The following DTHD1 variants were observed in gnomAD, a reference collection of about 807,000 sequenced individuals.
DTHD1 encodes the protein death domain-containing protein 1.
In DTHD1, 59 loss-of-function variants were observed where a neutral mutation model predicts 74.8. The ratio of observed to expected loss-of-function variants is 0.79; its 90% CI spans 0.64 to 0.98. The LOEUF (loss-of-function observed/expected upper bound fraction) is 0.98, where lower values mean the gene tolerates loss of function less well. Among genes scored for constraint, DTHD1 ranks in the 50% least tolerant of loss-of-function variants. The pLI is 0.00. For synonymous variants in DTHD1, 365 were observed against 371.1 expected (o/e 0.98, Z 0.19); for missense variants, 1,051 against 1,065.4 (o/e 0.99, Z 0.19).
rs1000726911 is a variant in DTHD1 at position 36,284,215 on chromosome 4, T to C, written c.511T>C (p.Tyr171His). The C allele has an allele frequency of 2.5e-5, 39 of 1,537,168 alleles. No individual in the cohort carries two copies. Among genetic ancestry groups the C allele is most frequent in the Non-Finnish European group, 3.3e-5 (38 of 1,146,868 alleles). Residue 171 changes from tyrosine (Y) to histidine (H), a missense_variant, in exon 2 of 10, where the codon TAC becomes CAC. By Grantham distance (83) the Tyr-to-His change is moderately conservative (BLOSUM62 2). Coordinates refer to ENST00000639862, the MANE Select transcript of DTHD1 (RefSeq NM_001170700.3). The part of the protein sequence containing the change: ...VSPTNGEESH[Y>H]TNQVQLEKNK... ...TCCCACAAATGGAGAGGAAAGTCAT[T>C]ACACAAACCAGGTCCAGTTAGAAAA...
At position 36,294,819 on chromosome 4, in the gene DTHD1, G is replaced by A. The variant is rs1756292150; in HGVS notation, c.1423G>A (p.Val475Met). 6.5e-7 allele frequency: 1 copy of A among 1,548,360 alleles called. No homozygotes were observed. Among genetic ancestry groups the A allele is most frequent in the South Asian group, 1.2e-5 (1 of 83,502 alleles). ...GATCCAACCAGTTGACCCAGCTCTG[G>A]TGGCACATTTAAAAGCACAGCAAGA... Reference protein sequence around the residue: ...LKIQPVDPALVAHLKAQQDTF... With the variant: ...LKIQPVDPALMAHLKAQQDTF... Residue 475 changes from valine (V) to methionine (M), a missense_variant, in exon 5 of 10, where the codon GTG becomes ATG. Transcript: ENST00000639862.
At chr4:36,286,600 G>A (rs766166678) in intron 2 of DTHD1, among the ~76,000 whole-genome samples, 2 of 152,178 alleles carry the variant, frequency 1.3e-5, no homozygotes, top group Non-Finnish European at 2.9e-5. Flanking sequence ...TACAGTCATC[G>A]GTTACTTAAT....
At chr4:36,338,946 G>C (rs1285242194) in intron 8 of DTHD1, among the ~76,000 whole-genome samples, 166 bp from the exon 9 acceptor site, 1 of 152,102 alleles carries the variant, frequency 6.6e-6, no homozygotes, top group African/African-American at 2.4e-5. Flanking sequence ...TTTATCTTAG[G>C]AAAACAATTG....
At chr4:36,299,568 T>C (rs181909944) in intron 5 of DTHD1, among the ~76,000 whole-genome samples, 1 of 152,338 alleles carries the variant, frequency 6.6e-6, no homozygotes, top group Admixed American at 6.5e-5. Flanking sequence ...TTTTCACATT[T>C]CTGAAAAGTT....
At chr4:36,288,907 T>A (rs978934973) in intron 2 of DTHD1, among the ~76,000 whole-genome samples, 2 of 152,158 alleles carry the variant, frequency 1.3e-5, no homozygotes, top group Non-Finnish European at 2.9e-5. Context: ...AAACAATGTT[T>A]CTCATTTTCT....
intron 8 of DTHD1, among the ~76,000 whole-genome samples, chr4:36,329,854 T>C (rs543575610): frequency 6.6e-6 from 1 of 152,318 alleles, no homozygotes; most frequent in Admixed American, 6.5e-5. Flanking sequence ...GGTTCAGAGA[T>C]CTTGGCTGGC....
rs959237057 is a variant in DTHD1 at position 36,282,007 on chromosome 4, G to T, written c.249G>T (p.Glu83Asp). The change falls in exon 1 of 10, where the codon GAG (glutamate) becomes GAT (aspartate). Residue 83 changes from glutamate to aspartate, a missense_variant. Transcript: ENST00000639862. ...AGCTGCATGTGCTGCTTGACAAAGAGAATCAATGTGTCTCGAGAAAAGGCA... is the reference window on the plus strand; with the variant it reads ...AGCTGCATGTGCTGCTTGACAAAGATAATCAATGTGTCTCGAGAAAAGGCA... The part of the protein sequence containing the change: ...CQQLHVLLDK[E>D]NQCVSRKEII... The T allele has an allele frequency of 6.6e-6, 10 of 1,524,138 alleles. No homozygotes were observed. The highest frequency in any genetic ancestry group is 8.8e-6 in the Non-Finnish European group (10 of 1,132,440). 94.4% of individuals were successfully genotyped at this position (1,524,138 alleles called of 1,614,324 possible). A position where few individuals can be genotyped will look rare whatever the true frequency, so the allele number is the denominator to read the frequency against.
intron 3 of DTHD1, among the ~76,000 whole-genome samples, chr4:36,292,359 T>C (rs1047026190): frequency 2.0e-5 from 3 of 152,170 alleles, no homozygotes; most frequent in African/African-American, 7.2e-5. Context: ...GAGGGAATCA[T>C]TGTCTATCAT....
chr4:36,339,135 A>G lies in DTHD1; in HGVS notation c.2364A>G (p.Pro788=), dbSNP rs2109577099. ...LPKHKKLINR[P]QSTKRVSKDP... is the part of the protein sequence containing the mutation. ...AGCATAAGAAATTAATCAACCGTCCACAGAGTACCAAAAGAGTTTCTAAGG... is the reference window on the plus strand; with the variant it reads ...AGCATAAGAAATTAATCAACCGTCCGCAGAGTACCAAAAGAGTTTCTAAGG... The change falls in exon 9 of 10, where the codon CCA becomes CCG. Residue 788 remains proline (P), a synonymous_variant. Transcript: ENST00000639862. 1 of 1,548,290 alleles carries G rather than the reference A, an allele frequency of 6.5e-7. No individual in the cohort carries two copies.
Position 36,284,203 on chromosome 4 carries a change from G to A in DTHD1, c.499G>A (p.Glu167Lys). 1 of 1,537,170 alleles carries A rather than the reference G, an allele frequency of 6.5e-7. No individual in the cohort carries two copies. The highest frequency in any genetic ancestry group is 2.4e-5 in the East Asian group (1 of 40,910). ...ETATVSPTNG[E>K]ESHYTNQVQL... ...AGCTACTGTTTCTCCCACAAATGGAGAGGAAAGTCATTACACAAACCAGGT... is the reference window on the plus strand; with the variant it reads ...AGCTACTGTTTCTCCCACAAATGGAAAGGAAAGTCATTACACAAACCAGGT... The change falls in exon 2 of 10, where the codon GAG (glutamate) becomes AAG (lysine). Residue 167 changes from glutamate (E) to lysine (K), a missense_variant. Coordinates refer to ENST00000639862, the MANE Select transcript of DTHD1 (RefSeq NM_001170700.3).
Position 36,328,519 on chromosome 4 carries a change from C to T in DTHD1, c.2341-10593C>T, listed in dbSNP as rs183340440. Among the ~76,000 whole-genome samples the T allele has an allele frequency of 3.2e-3, 485 of 152,282 alleles. 4 individuals carry two copies. Among genetic ancestry groups the T allele is most frequent in the Non-Finnish European group, 2.3e-3 (158 of 68,024 alleles). ...GCCTGTGGGCATGCACGTAAGCACGCGCAAATACTTAAATACACACAAAAA... is the reference window on the plus strand; with the variant it reads ...GCCTGTGGGCATGCACGTAAGCACGTGCAAATACTTAAATACACACAAAAA... On this transcript the variant is annotated intron_variant, in intron 8 of 9. Transcript: ENST00000639862.
Position 36,290,661 on chromosome 4 carries a change from C to G in DTHD1, c.1176C>G (p.Tyr392Ter). The change falls in exon 3 of 10, where the codon TAC becomes TAG. Residue 392 changes from tyrosine to a stop codon, truncating the protein, a stop_gained. Transcript: ENST00000639862. LOFTEE classifies it high-confidence loss of function. Reference sequence around the variant, plus strand: ...GTGACATAAACCTTCAATCAAGTTACCTAAACCCAAATTCACTAGAAGGAA... The same window carrying G: ...GTGACATAAACCTTCAATCAAGTTAGCTAAACCCAAATTCACTAGAAGGAA... The part of the protein sequence containing the change: ...KVCDINLQSS[Y>*]LNPNSLEGMK... 1.3e-6 allele frequency: 2 copies of G among 1,545,072 alleles called. No individual in the cohort carries two copies. Among genetic ancestry groups the G allele is most frequent in the Non-Finnish European group, 1.7e-6 (2 of 1,146,810 alleles).
At chr4:36,291,210 A>G (rs1236403379) in intron 3 of DTHD1, among the ~76,000 whole-genome samples, 1 of 152,232 alleles carries the variant, frequency 6.6e-6, no homozygotes, top group African/African-American at 2.4e-5. Flanking sequence ...TATATGTGGT[A>G]GTTAAGATGT....
intron 8 of DTHD1, among the ~76,000 whole-genome samples, chr4:36,337,577 C>A (rs1024722854): frequency 6.6e-6 from 1 of 152,210 alleles, no homozygotes; most frequent in African/African-American, 2.4e-5. Context: ...GGTTCAAACA[C>A]ATAGTTGATG....
At chr4:36,310,699 C>A (rs1003031607) in intron 7 of DTHD1, among the ~76,000 whole-genome samples, 3 of 152,208 alleles carry the variant, frequency 2.0e-5, no homozygotes, top group Non-Finnish European at 1.5e-5. Context: ...AGGCTTGAAG[C>A]TGATGCTGCC....
At position 36,343,625 on chromosome 4, in the gene DTHD1, C is replaced by T; in HGVS notation, c.2522C>T (p.Pro841Leu). Residue 841 changes from proline (P) to leucine (L), a missense_variant, in exon 10 of 10, where the codon CCT (proline) becomes CTT (leucine). Coordinates refer to ENST00000639862, the MANE Select transcript of DTHD1 (RefSeq NM_001170700.3). The part of the protein sequence containing the change: ...STIQLIKLKN[P>L]DDLTEQIHEF... Reference sequence around the variant, plus strand: ...ATTCAGCTCATCAAACTCAAGAACCCTGATGATCTCACAGAACAGATCCAC... The same window carrying T: ...ATTCAGCTCATCAAACTCAAGAACCTTGATGATCTCACAGAACAGATCCAC... 6.4e-7 allele frequency: 1 copy of T among 1,551,776 alleles called. No individual in the cohort carries two copies. Among genetic ancestry groups the T allele is most frequent in the East Asian group, 2.4e-5 (1 of 40,940 alleles).
At chr4:36,329,444 C>T (rs1263885982) in intron 8 of DTHD1, among the ~76,000 whole-genome samples, 2 of 152,198 alleles carry the variant, frequency 1.3e-5, no homozygotes, top group Non-Finnish European at 2.9e-5. Context: ...GAGATGACAG[C>T]CGTTCCTTGA....
At chr4:36,339,834 G>T (rs1048753151) in intron 9 of DTHD1, among the ~76,000 whole-genome samples, 1 of 152,192 alleles carries the variant, frequency 6.6e-6, no homozygotes, top group Admixed American at 6.5e-5. Flanking sequence ...AAATGTTCAG[G>T]TCTTATTAAA....
chr4:36,336,052 C>T (rs143221792), intron 8 of DTHD1, among the ~76,000 whole-genome samples: 1 of 152,258 alleles, frequency 6.6e-6, no homozygotes, highest in East Asian at 1.9e-4. Context: ...ATCTGAATTG[C>T]TTATATTTTT....
Sources: gnomAD v4.1 joint callset for allele counts (sites outside exome capture counted in the v4.1 genomes callset) on GRCh38, gnomAD v4.1.1 for gene constraint, MANE v1.5 for transcripts, NCBI Gene and HGNC (gene_info 2026-07-23, HGNC 2026-07-21) for gene names.